Variants in FAM168A observed in about 807,000 individuals in gnomAD.
FAM168A encodes the protein protein FAM168A.
FAM168A carries 3 observed loss-of-function variants against 28.5 expected under a neutral mutation model. That is an observed-to-expected ratio of 0.11 (90% CI 0.05 to 0.27). The LOEUF is 0.27. FAM168A is among the 10% of genes least tolerant of loss of function. FAM168A has a pLI of 1.00. For synonymous variants in FAM168A, 122 were observed against 124.2 expected (o/e 0.98, Z 0.12); for missense variants, 222 against 311.5 (o/e 0.71, Z 2.16).
chr11:73,454,016 G>A (rs1009463338), intron 2 of FAM168A, among the ~76,000 whole-genome samples: 3 of 152,184 alleles, frequency 2.0e-5, no homozygotes, highest in Non-Finnish European at 2.9e-5. Flanking sequence ...TGGACAGGCT[G>A]GCTTTCATGG....
At chr11:73,570,807 T>C (rs995916988) in intron 1 of FAM168A, among the ~76,000 whole-genome samples, 6 of 151,864 alleles carry the variant, frequency 4.0e-5, no homozygotes, top group South Asian at 4.1e-4. Flanking sequence ...CAAAGAATTA[T>C]GCAAATATCA....
intron 1 of FAM168A, among the ~76,000 whole-genome samples, chr11:73,572,196 G>A (rs1255344372): frequency 8.9e-5 from 12 of 135,482 alleles, no homozygotes; most frequent in Admixed American, 4.5e-4. Flanking sequence ...CGCCCCGTCC[G>A]GGAGGGAGGT....
intron 1 of FAM168A, among the ~76,000 whole-genome samples, chr11:73,470,112 G>A (rs1375003268): frequency 6.6e-6 from 1 of 151,992 alleles, no homozygotes; most frequent in African/African-American, 2.4e-5. Flanking sequence ...GGGTTTCACC[G>A]TGTTAGCCAG....
chr11:73,420,750 T>G (rs1051411987), intron 3 of FAM168A: 1 of 152,290 alleles, frequency 6.6e-6, no homozygotes, highest in Non-Finnish European at 1.5e-5. Flanking sequence ...CATATGAAAT[T>G]TGGGGTAGGT....
chr11:73,430,775 A>G lies in FAM168A; in HGVS notation c.71-5T>C, dbSNP rs1866975717. The G allele has an allele frequency of 6.3e-7, 1 of 1,581,850 alleles. No homozygotes were observed. The highest frequency in any genetic ancestry group is 8.6e-7 in the Non-Finnish European group (1 of 1,166,846). On this transcript the variant is annotated splice_region_variant and splice_polypyrimidine_tract_variant and intron_variant, in intron 2 of 7. Transcript: ENST00000356467. The stretch of plus-strand genomic sequence containing the variant: ...CTGGATAGGCTGTGGGGTAACCTAC[A>G]GAGAGATAAGAAAAGGCTTATTTAG...
At position 73,401,110 on chromosome 11, in the gene FAM168A, A is replaced by AT. The variant is rs993737790; in HGVS notation, c.*5652dup. On this transcript the variant is annotated 3_prime_UTR_variant, in exon 8 of 8. Transcript: ENST00000356467. The stretch of plus-strand genomic sequence containing the variant: ...TATTATTATTATTATTATTATTATT[A>AT]TTTTAAATTTTATTTCTTTTTAAAA... 2.0e-5 allele frequency: 3 copies of AT among 147,988 alleles called. No individual in the cohort carries two copies. Among genetic ancestry groups the AT allele is most frequent in the African/African-American group, 7.4e-5 (3 of 40,614 alleles). 9.2% of individuals were successfully genotyped at this position (147,988 alleles called of 1,614,324 possible).
chr11:73,457,224 A>AT (rs113172303), intron 2 of FAM168A, among the ~76,000 whole-genome samples: 32,225 of 147,178 alleles, frequency 0.22, 5,623 homozygotes, highest in African/African-American at 0.49. Context: ...CCCTTCTTTA[A>AT]TTTTTTTTTT....
At chr11:73,526,157 C>T (rs1170925102) in intron 1 of FAM168A, among the ~76,000 whole-genome samples, 2 of 151,952 alleles carry the variant, frequency 1.3e-5, no homozygotes, top group Non-Finnish European at 2.9e-5. Context: ...AGAGTCTCCA[C>T]AAAAGTGATG....
intron 3 of FAM168A, chr11:73,430,103 C>T (rs1866957940): frequency 6.4e-6 from 1 of 157,148 alleles, no homozygotes; most frequent in Non-Finnish European, 1.4e-5. Context: ...CTGCAATGAT[C>T]CAAGCCCAAA....
intron 1 of FAM168A, among the ~76,000 whole-genome samples, chr11:73,521,939 A>C (rs1453534516): frequency 6.6e-6 from 1 of 152,236 alleles, no homozygotes; most frequent in Non-Finnish European, 1.5e-5. Context: ...TGGGAACAGT[A>C]GAGTTCAACA....
chr11:73,572,295 G>A (rs1252695466), intron 1 of FAM168A, among the ~76,000 whole-genome samples: 2 of 151,804 alleles, frequency 1.3e-5, no homozygotes. Context: ...CGTCCAGGAG[G>A]TGAGGGGCGC....
intron 1 of FAM168A, among the ~76,000 whole-genome samples, chr11:73,547,074 C>T (rs367546850): frequency 1.5e-4 from 19 of 123,484 alleles, no homozygotes; most frequent in African/African-American, 5.3e-4. Flanking sequence ...TGCTTGAGCC[C>T]AGAAGTTCAA....
At chr11:73,500,272 T>C (rs559591253) in intron 1 of FAM168A, among the ~76,000 whole-genome samples, 68 of 150,228 alleles carry the variant, frequency 4.5e-4, no homozygotes, top group African/African-American at 1.4e-3. Context: ...TTTTTTTTTT[T>C]TTTTGAGACA....
At chr11:73,537,015 G>A (rs1182976897) in intron 1 of FAM168A, among the ~76,000 whole-genome samples, 1 of 152,184 alleles carries the variant, frequency 6.6e-6, no homozygotes, top group East Asian at 1.9e-4. Context: ...GGTCTCTCAT[G>A]CCATAGCATT....
chr11:73,497,992 T>C (rs1266733991), intron 1 of FAM168A, among the ~76,000 whole-genome samples: 1 of 152,162 alleles, frequency 6.6e-6, no homozygotes, highest in Non-Finnish European at 1.5e-5. Flanking sequence ...GTTTATTGCT[T>C]ACTACATGCC....
At chr11:73,540,415 T>A (rs950225108) in intron 1 of FAM168A, among the ~76,000 whole-genome samples, 2 of 152,052 alleles carry the variant, frequency 1.3e-5, no homozygotes, top group African/African-American at 4.8e-5. Flanking sequence ...CTGCCCAGAG[T>A]CAGATACCAA....
chr11:73,494,648 C>T (rs1854832546), intron 1 of FAM168A, among the ~76,000 whole-genome samples: 2 of 152,052 alleles, frequency 1.3e-5, no homozygotes, highest in African/African-American at 2.4e-5. Context: ...GGAGGATGGG[C>T]ACAATGAAGA....
chr11:73,516,484 A>C (rs1943305734), intron 1 of FAM168A, among the ~76,000 whole-genome samples: 1 of 152,216 alleles, frequency 6.6e-6, no homozygotes, highest in Non-Finnish European at 1.5e-5. Context: ...ACTATGATAG[A>C]ATCAAGTTTA....
intron 4 of FAM168A, among the ~76,000 whole-genome samples, chr11:73,414,879 C>A (rs1701714683): frequency 6.6e-6 from 1 of 152,154 alleles, no homozygotes; most frequent in African/African-American, 2.4e-5. Flanking sequence ...GCTTAAAATG[C>A]CATGATTTTA....
Sources: gnomAD v4.1 joint callset for allele counts (sites outside exome capture counted in the v4.1 genomes callset) on GRCh38, gnomAD v4.1.1 for gene constraint, MANE v1.5 for transcripts, NCBI Gene and HGNC (gene_info 2026-07-23, HGNC 2026-07-21) for gene names.